Variants in SUPV3L1 observed in about 807,000 individuals in gnomAD.
SUPV3L1 encodes the protein ATP-dependent RNA helicase SUPV3L1, mitochondrial.
SUPV3L1 carries 35 observed loss-of-function variants against 70.0 expected under a neutral mutation model. The observed-to-expected ratio is 0.50, with a 90% CI of 0.38 to 0.66. SUPV3L1 has a LOEUF of 0.66. Among genes scored for constraint, SUPV3L1 ranks in the 30% least tolerant of loss-of-function variants. The pLI is 0.00. For missense variants in SUPV3L1, 777 were observed against 961.5 expected (o/e 0.81, Z 2.54); for synonymous variants, 364 against 341.9 (o/e 1.06, Z -0.71).
chr10:69,196,855 AG>A (rs1277702793), intron 7 of SUPV3L1, 136 bp from the exon 8 acceptor site: 1 of 641,982 alleles, frequency 1.6e-6, no homozygotes, highest in African/African-American at 1.8e-5. Context: ...GGTTTGCATC[AG>A]AGATAATATT....
intron 1 of SUPV3L1, among the ~76,000 whole-genome samples, chr10:69,183,058 T>C (rs569311046): frequency 3.2e-4 from 48 of 152,240 alleles, no homozygotes; most frequent in African/African-American, 1.1e-3. Context: ...TTGTCTTTCT[T>C]ACACACACCT....
intron 1 of SUPV3L1, among the ~76,000 whole-genome samples, chr10:69,183,653 G>T (rs1228023471): frequency 6.6e-6 from 1 of 152,152 alleles, no homozygotes; most frequent in Non-Finnish European, 1.5e-5. Flanking sequence ...CCACACTCCA[G>T]CCTGGGTGAC....
chr10:69,186,143 T>C (rs1261282358), intron 2 of SUPV3L1, 79 bp downstream of exon 2: 4 of 1,259,274 alleles, frequency 3.2e-6, no homozygotes, highest in Admixed American at 2.0e-5. Flanking sequence ...CGACCCCTCA[T>C]GTGACCTGGC....
At chr10:69,183,210 A>T (rs193119000) in intron 1 of SUPV3L1, among the ~76,000 whole-genome samples, 327 of 152,236 alleles carry the variant, frequency 2.1e-3, no homozygotes, top group African/African-American at 7.3e-3. Flanking sequence ...AGTCTTGTTG[A>T]TTCTACCTCA....
intron 4 of SUPV3L1, among the ~76,000 whole-genome samples, chr10:69,188,166 C>G (rs1419569180): frequency 6.6e-6 from 1 of 152,148 alleles, no homozygotes; most frequent in Non-Finnish European, 1.5e-5. Context: ...TAGACCCTGC[C>G]GATTCTTACC....
Position 69,207,817 on chromosome 10 carries a change from G to A in SUPV3L1, c.1801G>A (p.Glu601Lys). 6.2e-7 allele frequency: 1 copy of A among 1,613,798 alleles called. No homozygotes were observed. Among genetic ancestry groups the A allele is most frequent in the Non-Finnish European group, 8.5e-7 (1 of 1,179,864 alleles). ...LQFARQYSRN[E>K]PLTFAWLRRY... ...GTTTGCCAGGCAGTATAGCAGGAAT[G>A]AGCCCCTGACCTTTGCATGGTTACG... is the stretch of plus-strand genomic sequence containing the variant. The change falls in exon 14 of 15, where the codon GAG becomes AAG. Residue 601 changes from glutamate (E) to lysine (K), a missense_variant. By Grantham distance (56) the Glu-to-Lys change is moderately conservative (BLOSUM62 1). This residue lies in a region of SUPV3L1 where 619 missense variants were observed against 823.3 expected (regional missense o/e 0.75). Coordinates refer to ENST00000359655, the MANE Select transcript of SUPV3L1 (RefSeq NM_003171.5).
At chr10:69,201,926 T>C (rs1842693162) in intron 11 of SUPV3L1, among the ~76,000 whole-genome samples, 1 of 151,160 alleles carries the variant, frequency 6.6e-6, no homozygotes, top group Admixed American at 6.6e-5. Context: ...CTGCAAGCTC[T>C]GCCTGCTGGG....
intron 5 of SUPV3L1, among the ~76,000 whole-genome samples, 182 bp downstream of exon 5, chr10:69,189,617 T>C (rs1040568244): frequency 2.0e-5 from 3 of 151,428 alleles, no homozygotes; most frequent in African/African-American, 4.8e-5. Flanking sequence ...AAAAAGATGC[T>C]ACCAACTGAC....
chr10:69,180,768 C>T (rs1193873666), intron 1 of SUPV3L1, among the ~76,000 whole-genome samples: 2 of 152,220 alleles, frequency 1.3e-5, no homozygotes, highest in African/African-American at 2.4e-5. Context: ...CGCCTCGTCC[C>T]AGAAGCGGCC....
rs377402124 is a variant in SUPV3L1, at chr10:69,180,451, G to A, written c.160G>A (p.Gly54Ser). Residue 54 changes from glycine to serine, a missense_variant, in exon 1 of 15, where the codon GGT becomes AGT. By Grantham distance (56) the Gly-to-Ser change is moderately conservative. Around this residue, in one of 2 missense-constraint regions of SUPV3L1, gnomAD observed 158 missense variants for 138.3 expected, o/e 1.14. Transcript: ENST00000359655. ...VLATASSSAS[G>S]GSKIPNTSLF... Reference sequence around the variant, plus strand: ...TGCCACCGCCTCCTCCTCTGCCTCCGGTGGCTCCAAAATACCAAACACGTC... The same window carrying A: ...TGCCACCGCCTCCTCCTCTGCCTCCAGTGGCTCCAAAATACCAAACACGTC... 8.1e-6 allele frequency: 13 copies of A among 1,614,118 alleles called. No individual in the cohort carries two copies. In the Admixed American group the frequency reaches 1.0e-4, roughly 12 times the overall value.
Position 69,202,422 on chromosome 10 carries a change from T to C in SUPV3L1, c.1519-17T>C. ...AAAAAAAAATCAGCTTATGATTGTT[T>C]TTTCTTTTACTAAAAGGCAGCTGGT... On this transcript the variant is annotated splice_polypyrimidine_tract_variant and intron_variant, in intron 11 of 14. Coordinates refer to ENST00000359655, the MANE Select transcript of SUPV3L1 (RefSeq NM_003171.5). The C allele has an allele frequency of 2.5e-6, 4 of 1,596,870 alleles. No individual in the cohort carries two copies. Among genetic ancestry groups the C allele is most frequent in the Non-Finnish European group, 3.4e-6 (4 of 1,174,080 alleles).
At chr10:69,186,893 GA>G (rs77825532) in intron 3 of SUPV3L1, among the ~76,000 whole-genome samples, 1,574 of 144,072 alleles carry the variant, frequency 0.011, 18 homozygotes, top group East Asian at 0.057. Flanking sequence ...TGCTATAAAA[GA>G]AAAAAAAAAA....
intron 7 of SUPV3L1, chr10:69,195,521 T>C (rs888301964): frequency 8.3e-6 from 3 of 362,766 alleles, no homozygotes; most frequent in Non-Finnish European, 1.5e-5. Flanking sequence ...ACAACTACAA[T>C]TTATGTTTTG....
rs1418796145 is a variant in SUPV3L1 at position 69,202,562 on chromosome 10, T to TA, written c.1599+44dup. The stretch of plus-strand genomic sequence containing the variant: ...TTCACATCTCCCCTAAAAATGTTGA[T>TA]ATGTCAGGTGATTACTGGTTAACCT... On this transcript the variant is annotated intron_variant, in intron 12 of 14. Coordinates refer to ENST00000359655, the MANE Select transcript of SUPV3L1 (RefSeq NM_003171.5). 3.2e-6 allele frequency: 5 copies of TA among 1,556,262 alleles called. No homozygotes were observed. In the African/African-American group the frequency reaches 5.4e-5, roughly 17 times the overall value.
At chr10:69,201,846 C>CTT (rs11459312) in intron 11 of SUPV3L1, among the ~76,000 whole-genome samples, 66,510 of 142,066 alleles carry the variant, frequency 0.47, 17,714 homozygotes, top group Middle Eastern at 0.71. Context: ...GCCGTAAAAT[C>CTT]TTTTTTTTTT....
Position 69,189,328 on chromosome 10 carries a change from G to A in SUPV3L1, c.634G>A (p.Gly212Arg). Residue 212 changes from glycine to arginine, a missense_variant, in exon 5 of 15, where the codon GGA (glycine) becomes AGA (arginine). Coordinates refer to ENST00000359655, the MANE Select transcript of SUPV3L1 (RefSeq NM_003171.5). ...ATTTCATTCAGGCCCCACAAACAGT[G>A]GAAAGACTTATCACGCAATCCAGAA... ...IIFHSGPTNSGKTYHAIQKYF... is the reference protein window; with the variant it reads ...IIFHSGPTNSRKTYHAIQKYF... 1 of 1,614,060 alleles carries A rather than the reference G, an allele frequency of 6.2e-7. No individual in the cohort carries two copies. The highest frequency in any genetic ancestry group is 8.5e-7 in the Non-Finnish European group (1 of 1,179,998).
In SUPV3L1 at chr10:69,189,429, T is replaced by C; in HGVS notation, c.735T>C (p.Asn245=). The change falls in exon 5 of 15, where the codon AAT becomes AAC. Residue 245 remains asparagine (N), a synonymous_variant. Coordinates refer to ENST00000359655, the MANE Select transcript of SUPV3L1 (RefSeq NM_003171.5). ...LLAHEIFEKS[N]AAGVPCDLVT... is the part of the protein sequence containing the mutation. ...CACATGAGATCTTCGAAAAGAGTAA[T>C]GCTGCTGTCAGTATATTACCAAATA... 1 of 1,607,508 alleles carries C rather than the reference T, an allele frequency of 6.2e-7. No homozygotes were observed. The highest frequency in any genetic ancestry group is 8.5e-7 in the Non-Finnish European group (1 of 1,176,492).
At chr10:69,193,370 T>G (rs1289761234) in intron 6 of SUPV3L1, 1 of 152,184 alleles carries the variant, frequency 6.6e-6, no homozygotes, top group Non-Finnish European at 1.5e-5. Flanking sequence ...TATTGTACAG[T>G]TGCACAGAAG....
intron 14 of SUPV3L1, among the ~76,000 whole-genome samples, chr10:69,208,144 G>A (rs1193861541): frequency 1.3e-5 from 2 of 152,210 alleles, no homozygotes; most frequent in African/African-American, 4.8e-5. Flanking sequence ...AGTTAAGATG[G>A]CTAGGTGAGA....
Sources: gnomAD v4.1 joint callset for allele counts (sites outside exome capture counted in the v4.1 genomes callset) on GRCh38, gnomAD v4.1.1 for gene constraint, gnomAD v4.1.1 regional missense constraint, MANE v1.5 for transcripts, NCBI Gene and HGNC (gene_info 2026-07-23, HGNC 2026-07-21) for gene names.